FAM184B: variants seen among roughly 807,000 people sequenced by gnomAD.
FAM184B encodes the protein protein FAM184B.
FAM184B carries 111 observed loss-of-function variants against 135.9 expected under a neutral mutation model. The observed-to-expected ratio is 0.82, with a 90% CI of 0.70 to 0.96. The LOEUF (loss-of-function observed/expected upper bound fraction) is 0.96. Ranked by LOEUF, FAM184B falls within the 40% of genes least tolerant of loss-of-function variation. FAM184B has a pLI of 0.00. For missense variants in FAM184B, 1,375 were observed against 1,323.9 expected (o/e 1.04, Z -0.60); for synonymous variants, 552 against 524.8 (o/e 1.05, Z -0.71).
chr4:17,705,740 G>A lies in FAM184B; in HGVS notation c.1170+12C>T, dbSNP rs772034251. On this transcript the variant is annotated intron_variant, in intron 4 of 17. Coordinates refer to ENST00000265018, the MANE Select transcript of FAM184B (RefSeq NM_015688.2). ...GTGCCTTCTCCATCCCCAGGGCTGG[G>A]TCAGACACTACCTGCATATCTGTGC... 4.4e-5 allele frequency: 68 copies of A among 1,551,416 alleles called. No homozygotes were observed. The African/African-American group carries it at 7.4e-4, about 17-fold the overall frequency.
chr4:17,745,401 ACC>A (rs1718137586), intron 1 of FAM184B, among the ~76,000 whole-genome samples: 1 of 152,178 alleles, frequency 6.6e-6, no homozygotes, highest in Non-Finnish European at 1.5e-5. Context: ...CCTGCCGCTT[ACC>A]AAGCTACTTC....
intron 1 of FAM184B, among the ~76,000 whole-genome samples, chr4:17,739,383 C>T (rs1022156590): frequency 2.6e-5 from 4 of 151,934 alleles, no homozygotes; most frequent in East Asian, 1.9e-4. Context: ...AGAAAACTTC[C>T]GCTTGTGACA....
intron 1 of FAM184B, among the ~76,000 whole-genome samples, chr4:17,771,006 G>T (rs1718808278): frequency 6.6e-6 from 1 of 152,276 alleles, no homozygotes; most frequent in South Asian, 2.1e-4. Flanking sequence ...GGAATGAAAG[G>T]TTTCTTTTTG....
At chr4:17,662,996 T>A (rs937634308) in intron 8 of FAM184B, among the ~76,000 whole-genome samples, 11 of 152,294 alleles carry the variant, frequency 7.2e-5, no homozygotes, top group African/African-American at 2.4e-4. Context: ...AGTACAGTGG[T>A]GTGACCACGG....
At chr4:17,770,939 T>A (rs1718807196) in intron 1 of FAM184B, among the ~76,000 whole-genome samples, 2 of 152,232 alleles carry the variant, frequency 1.3e-5, no homozygotes, top group African/African-American at 2.4e-5. Context: ...CTTTAGAACA[T>A]TCTCATTACT....
In FAM184B at chr4:17,781,102, C is replaced by T. The variant is rs1214823952; in HGVS notation, c.141+57G>A. On this transcript the variant is annotated intron_variant, in intron 1 of 17. Coordinates refer to ENST00000265018, the MANE Select transcript of FAM184B (RefSeq NM_015688.2). The surrounding 1 kb of genome is among the most constrained non-coding windows in gnomAD (Gnocchi z 6.5). ...CTCCCGGGAGGCGCATCCGCACTGACTCCCGGCTCGGGCGCCCCGGGCGTG... is the reference window on the plus strand; with the variant it reads ...CTCCCGGGAGGCGCATCCGCACTGATTCCCGGCTCGGGCGCCCCGGGCGTG... 2 of 1,463,836 alleles carry T rather than the reference C, an allele frequency of 1.4e-6. No homozygotes were observed. Among genetic ancestry groups the T allele is most frequent in the Non-Finnish European group, 1.8e-6 (2 of 1,106,522 alleles). The allele number at this position is 1,463,836 out of a possible 1,614,324, so 90.7% of individuals were successfully genotyped here. A position where few individuals can be genotyped will look rare whatever the true frequency, so the allele number is the denominator to read the frequency against.
chr4:17,749,066 T>G (rs1005346005), intron 1 of FAM184B, among the ~76,000 whole-genome samples: 4 of 151,102 alleles, frequency 2.6e-5, no homozygotes, highest in Middle Eastern at 3.2e-3. Context: ...ACTCCTGGCT[T>G]CAAGCGATTC....
chr4:17,688,001 G>C (rs958065610), intron 7 of FAM184B, among the ~76,000 whole-genome samples: 1 of 152,170 alleles, frequency 6.6e-6, no homozygotes, highest in Admixed American at 6.5e-5. Context: ...TGAAACGGCA[G>C]GTTCACGGAC....
rs1270781141 is a variant in FAM184B at position 17,647,727 on chromosome 4, C to G, written c.2256G>C (p.Glu752Asp). 2 of 1,551,086 alleles carry G rather than the reference C, an allele frequency of 1.3e-6. No individual in the cohort carries two copies. Among genetic ancestry groups the G allele is most frequent in the South Asian group, 2.4e-5 (2 of 84,034 alleles). Residue 752 changes from glutamate (E) to aspartate (D), a missense_variant, in exon 12 of 18, where the codon GAG (glutamate) becomes GAC (aspartate). Glu to Asp is a conservative substitution (Grantham distance 45, BLOSUM62 2). Transcript: ENST00000265018. ...GAGCCCTCAGCTCGGCCTGCAGTGC[C>G]TCCAAGTCCTTCTGGTGCCCAGAAC... ...AACSGHQKDLEALQAELRALG... is the reference protein window; with the variant it reads ...AACSGHQKDLDALQAELRALG...
In FAM184B at chr4:17,705,041, C is replaced by T. The variant is rs149111733; in HGVS notation, c.1336G>A (p.Val446Ile). 2.2e-4 allele frequency: 334 copies of T among 1,551,742 alleles called. 2 individuals are homozygous for T. In the African/African-American group the frequency reaches 3.5e-3, roughly 16 times the overall value. ...CTTTCAGCCTCCACGGACGAGCGAA[C>T]GGATTTGATTTCCACGGTGTGCTTC... Reference protein sequence around the residue: ...VKKHTVEIKSVRSSVEAERKK... With the variant: ...VKKHTVEIKSIRSSVEAERKK... Residue 446 changes from valine to isoleucine, a missense_variant, in exon 5 of 18, where the codon GTT becomes ATT. Physicochemically the swap from Val to Ile is conservative, Grantham distance 29 (BLOSUM62 3). Transcript: ENST00000265018.
At chr4:17,655,283 T>G (rs775879917) in intron 10 of FAM184B, among the ~76,000 whole-genome samples, 1 of 152,068 alleles carries the variant, frequency 6.6e-6, no homozygotes, top group African/African-American at 2.4e-5. Context: ...GATGGAGAGG[T>G]TGAAGCCTGG....
intron 7 of FAM184B, among the ~76,000 whole-genome samples, chr4:17,666,861 G>C (rs1450658476): frequency 6.6e-6 from 1 of 151,958 alleles, no homozygotes; most frequent in Non-Finnish European, 1.5e-5. Flanking sequence ...ATTACTAAAT[G>C]AATAAACACA....
At chr4:17,721,406 A>AAAAAAAAAAAAAAC (rs1560185395) in intron 1 of FAM184B, among the ~76,000 whole-genome samples, 3 of 143,298 alleles carry the variant, frequency 2.1e-5, no homozygotes, top group African/African-American at 5.2e-5. Context: ...AAAAAAAAAA[A>AAAAAAAAAAAAAAC]TCTCTTTGCC....
At chr4:17,723,398 T>G (rs569301846) in intron 1 of FAM184B, among the ~76,000 whole-genome samples, 1 of 152,254 alleles carries the variant, frequency 6.6e-6, no homozygotes, top group South Asian at 2.1e-4. Context: ...TAGGTCACCT[T>G]TGCCAGTTGT....
At chr4:17,688,667 C>A in intron 6 of FAM184B, 136 bp from the exon 7 acceptor site, 3 of 305,506 alleles carry the variant, frequency 9.8e-6, no homozygotes, top group Non-Finnish European at 1.2e-5. Flanking sequence ...TCTACACACA[C>A]TTCTAGAAAT....
chr4:17,734,894 C>A (rs1477554574), intron 1 of FAM184B, among the ~76,000 whole-genome samples: 1 of 152,032 alleles, frequency 6.6e-6, no homozygotes, highest in Admixed American at 6.6e-5. Context: ...ATGTTTACTG[C>A]AGCACTATTC....
intron 1 of FAM184B, among the ~76,000 whole-genome samples, chr4:17,762,661 A>G (rs1356338978): frequency 6.6e-6 from 1 of 152,232 alleles, no homozygotes; most frequent in African/African-American, 2.4e-5. Context: ...CTGCTCATGG[A>G]GTTGGATAGA....
intron 1 of FAM184B, among the ~76,000 whole-genome samples, chr4:17,724,144 C>G (rs1045054706): frequency 7.2e-5 from 11 of 152,112 alleles, no homozygotes; most frequent in African/African-American, 2.7e-4. Flanking sequence ...CTCACACACA[C>G]ACTCTTACAT....
intron 7 of FAM184B, among the ~76,000 whole-genome samples, chr4:17,680,239 T>C (rs1251290169): frequency 6.6e-6 from 1 of 152,246 alleles, no homozygotes; most frequent in Non-Finnish European, 1.5e-5. Flanking sequence ...GTTTTTGATG[T>C]CATTAAAAAT....
Sources: gnomAD v4.1 joint callset for allele counts (sites outside exome capture counted in the v4.1 genomes callset) on GRCh38, gnomAD v4.1.1 for gene constraint, Gnocchi (gnomAD v3.1) non-coding constraint, MANE v1.5 for transcripts, NCBI Gene and HGNC (gene_info 2026-07-23, HGNC 2026-07-21) for gene names.